EXOC6B: variants seen among roughly 807,000 people sequenced by gnomAD.
EXOC6B encodes the protein exocyst complex component 6B.
EXOC6B carries 54 observed loss-of-function variants against 113.5 expected under a neutral mutation model. That is an observed-to-expected ratio of 0.48 (90% CI 0.38 to 0.60). The LOEUF is 0.60. EXOC6B is among the 20% of genes least tolerant of loss of function. The pLI is 0.00. For missense variants in EXOC6B, 797 were observed against 977.5 expected, an observed-to-expected ratio of 0.82 and a Z score of 2.46; for synonymous variants, 357 against 339.0, an observed-to-expected ratio of 1.05 and a Z score of -0.58.
intron 20 of EXOC6B, among the ~76,000 whole-genome samples, chr2:72,280,104 T>C (rs948465054): frequency 6.6e-6 from 1 of 152,174 alleles, no homozygotes; most frequent in Non-Finnish European, 1.5e-5. Flanking sequence ...TTAATCTATG[T>C]AGGGCCTTAG....
At chr2:72,618,988 G>A (rs1055542125) in intron 6 of EXOC6B, among the ~76,000 whole-genome samples, 2 of 152,170 alleles carry the variant, frequency 1.3e-5, no homozygotes, top group Non-Finnish European at 2.9e-5. Flanking sequence ...TAGGCCAACC[G>A]AGTAAAATAG....
At chr2:72,604,589 CAG>C (rs1324496011) in intron 6 of EXOC6B, among the ~76,000 whole-genome samples, 4 of 152,068 alleles carry the variant, frequency 2.6e-5, no homozygotes, top group African/African-American at 7.2e-5. Flanking sequence ...TTATAAATCC[CAG>C]AGAGTGATAG....
chr2:72,751,803 G>T (rs937643582), intron 1 of EXOC6B, among the ~76,000 whole-genome samples: 1 of 151,992 alleles, frequency 6.6e-6, no homozygotes, highest in African/African-American at 2.4e-5. Context: ...TAAGAGGCAG[G>T]TAAAATTTTT....
chr2:72,200,542 T>C (rs962233999), intron 20 of EXOC6B, among the ~76,000 whole-genome samples: 2 of 152,186 alleles, frequency 1.3e-5, no homozygotes, highest in African/African-American at 4.8e-5. Context: ...TCTTAGCATT[T>C]AGCAGAAATG....
intron 20 of EXOC6B, among the ~76,000 whole-genome samples, chr2:72,207,569 T>C (rs560962030): frequency 6.6e-6 from 1 of 152,326 alleles, no homozygotes. Context: ...TAATTGATGA[T>C]AAGGATGATA....
intron 6 of EXOC6B, among the ~76,000 whole-genome samples, chr2:72,677,572 C>CT (rs1481621350): frequency 6.6e-6 from 1 of 152,164 alleles, no homozygotes; most frequent in Non-Finnish European, 1.5e-5. Context: ...CCAAAACACT[C>CT]TGAGTTGAGC....
chr2:72,359,147 T>C (rs1250249917), intron 19 of EXOC6B, among the ~76,000 whole-genome samples: 4 of 152,168 alleles, frequency 2.6e-5, no homozygotes, highest in African/African-American at 9.7e-5. Flanking sequence ...TTGAACTGGT[T>C]TGAATAGATT....
intron 18 of EXOC6B, among the ~76,000 whole-genome samples, chr2:72,401,677 A>G (rs866062210): frequency 2.9e-5 from 3 of 104,612 alleles, no homozygotes; most frequent in Admixed American, 1.2e-4. Flanking sequence ...GTATATATAT[A>G]TATATATATG....
At chr2:72,817,444 C>T (rs552239660) in intron 1 of EXOC6B, among the ~76,000 whole-genome samples, 1 of 152,158 alleles carries the variant, frequency 6.6e-6, no homozygotes, top group African/African-American at 2.4e-5. Flanking sequence ...TTAATTAATT[C>T]CCAGATAATT....
At chr2:72,590,048 C>A (rs944603980) in intron 6 of EXOC6B, among the ~76,000 whole-genome samples, 55 of 151,924 alleles carry the variant, frequency 3.6e-4, no homozygotes, top group African/African-American at 1.3e-3. Flanking sequence ...ACTAGAAAAG[C>A]CAGGACATAA....
intron 19 of EXOC6B, 129 bp downstream of exon 19, chr2:72,379,600 A>G (rs1691560042): frequency 1.2e-6 from 1 of 829,514 alleles, no homozygotes; most frequent in African/African-American, 1.7e-5. Flanking sequence ...TCTATAAGTT[A>G]TCTCTGTTAT....
chr2:72,235,417 G>A (rs1681903612), intron 20 of EXOC6B, among the ~76,000 whole-genome samples: 1 of 152,132 alleles, frequency 6.6e-6, no homozygotes, highest in African/African-American at 2.4e-5. Context: ...GGTGGAGGCT[G>A]GAAAGAGGGA....
Position 72,691,711 on chromosome 2 carries a change from C to T in EXOC6B, c.669+26392G>A, listed in dbSNP as rs187516765. On this transcript the variant is annotated intron_variant, in intron 6 of 21. Transcript: ENST00000272427. ...TTTTTTTTTTTTTGAGATGGAGTTT[C>T]GCCCTTGTCGCCCAGGCTGGAGTAC... Among the ~76,000 whole-genome samples, 814 of 137,622 alleles carry T rather than the reference C, an allele frequency of 5.9e-3. 6 individuals are homozygous for T. The highest frequency in any genetic ancestry group is 0.022 in the African/African-American group (780 of 36,056). The allele number at this position is 137,622 out of a possible 152,430, so 90.3% of individuals were successfully genotyped here.
At chr2:72,253,063 A>G (rs2104553322) in intron 20 of EXOC6B, among the ~76,000 whole-genome samples, 1 of 152,334 alleles carries the variant, frequency 6.6e-6, no homozygotes, top group African/African-American at 2.4e-5. Flanking sequence ...TTTTCAAAAG[A>G]AGACATACAT....
chr2:72,810,020 T>G (rs1161703926), intron 1 of EXOC6B, among the ~76,000 whole-genome samples: 1 of 152,118 alleles, frequency 6.6e-6, no homozygotes, highest in African/African-American at 2.4e-5. Context: ...TTAACAAATT[T>G]AAAAGAACTG....
chr2:72,340,951 G>A (rs1049726063), intron 19 of EXOC6B, among the ~76,000 whole-genome samples: 39 of 151,976 alleles, frequency 2.6e-4, no homozygotes, highest in Admixed American at 6.6e-4. Context: ...GAGAAGGGAC[G>A]GCCAGAACAT....
intron 1 of EXOC6B, among the ~76,000 whole-genome samples, chr2:72,780,978 C>T (rs1489685198): frequency 6.6e-6 from 1 of 151,982 alleles, no homozygotes; most frequent in Admixed American, 6.6e-5. Context: ...TTATTTTGTG[C>T]TTACAAGTGA....
intron 6 of EXOC6B, among the ~76,000 whole-genome samples, chr2:72,666,923 C>T (rs1422239023): frequency 2.0e-5 from 3 of 151,808 alleles, no homozygotes; most frequent in Non-Finnish European, 1.5e-5. Context: ...AGTGCAATGG[C>T]GCCATCTCAG....
chr2:72,382,944 A>C (rs1691780337), intron 18 of EXOC6B, among the ~76,000 whole-genome samples: 1 of 152,148 alleles, frequency 6.6e-6, no homozygotes, highest in Admixed American at 6.6e-5. Flanking sequence ...AGCCATATGC[A>C]GAAGATTGGA....
Sources: allele counts gnomAD v4.1 joint callset (sites outside exome capture counted in the v4.1 genomes callset), GRCh38; gene constraint gnomAD v4.1.1; transcripts MANE v1.5; gene names NCBI Gene and HGNC (gene_info 2026-07-23, HGNC 2026-07-21).